The following TMEFF2 variants were observed in gnomAD, a reference collection of about 807,000 sequenced individuals.
TMEFF2 encodes the protein transmembrane protein with EGF like and two follistatin like domains 2.
TMEFF2 carries 28 observed loss-of-function variants against 53.8 expected under a neutral mutation model. That is an observed-to-expected ratio of 0.52 (90% CI 0.39 to 0.71). TMEFF2 has a LOEUF of 0.71. Among genes scored for constraint, TMEFF2 ranks in the 30% least tolerant of loss-of-function variants. The pLI, the probability that TMEFF2 is intolerant of heterozygous loss-of-function variation, is 0.00. For synonymous variants in TMEFF2, 162 were observed against 166.3 expected (o/e 0.97, Z 0.20); for missense variants, 353 against 455.2 (o/e 0.78, Z 2.04).
intron 5 of TMEFF2, among the ~76,000 whole-genome samples, chr2:192,038,988 C>T (rs908443237): frequency 6.6e-6 from 1 of 152,182 alleles, no homozygotes; most frequent in Non-Finnish European, 1.5e-5. Flanking sequence ...CTATGGCCCT[C>T]ATGCACTCTA....
At chr2:192,047,503 T>A (rs1687652780) in intron 5 of TMEFF2, among the ~76,000 whole-genome samples, 1 of 152,162 alleles carries the variant, frequency 6.6e-6, no homozygotes, top group Non-Finnish European at 1.5e-5. Context: ...AAGGCTGCAA[T>A]AAATAAAAGA....
intron 5 of TMEFF2, among the ~76,000 whole-genome samples, chr2:192,017,531 T>C (rs1166240441): frequency 1.3e-5 from 2 of 152,168 alleles, no homozygotes. Context: ...AGATGAACAT[T>C]CTATTCTTTT....
intron 8 of TMEFF2, 34 bp from the exon 9 acceptor site, chr2:191,953,871 G>A: frequency 7.1e-7 from 1 of 1,403,854 alleles, no homozygotes; most frequent in African/African-American, 1.5e-5. Context: ...TTACCTGTAG[G>A]GTGCTGCATT....
At chr2:192,056,455 A>G (rs1165225138) in intron 5 of TMEFF2, among the ~76,000 whole-genome samples, 2 of 152,126 alleles carry the variant, frequency 1.3e-5, no homozygotes, top group African/African-American at 4.8e-5. Flanking sequence ...AGGAATAAAA[A>G]AAGGCTGCTG....
chr2:192,087,355 T>C (rs1306497993), intron 4 of TMEFF2, among the ~76,000 whole-genome samples: 1 of 152,098 alleles, frequency 6.6e-6, no homozygotes, highest in Non-Finnish European at 1.5e-5. Context: ...AAGACAACAT[T>C]CAGCTTAAAA....
At chr2:191,998,396 C>A in intron 6 of TMEFF2, 75 bp from the exon 7 acceptor site, 3 of 1,082,218 alleles carry the variant, frequency 2.8e-6, no homozygotes, top group Non-Finnish European at 4.0e-6. Context: ...TATATTTCCT[C>A]CAACAATATC....
At chr2:191,976,761 G>A (rs186523593) in intron 7 of TMEFF2, among the ~76,000 whole-genome samples, 1 of 152,342 alleles carries the variant, frequency 6.6e-6, no homozygotes, top group East Asian at 1.9e-4. Context: ...CAGACTCCGG[G>A]TGGAAGGTGG....
chr2:192,145,926 GA>G (rs933926846), intron 4 of TMEFF2, among the ~76,000 whole-genome samples: 1 of 151,518 alleles, frequency 6.6e-6, no homozygotes, highest in Non-Finnish European at 1.5e-5. Context: ...GACACAAAAA[GA>G]AAAAAAACTG....
At chr2:191,964,331 T>C (rs567325538) in intron 7 of TMEFF2, among the ~76,000 whole-genome samples, 37 of 108,540 alleles carry the variant, frequency 3.4e-4, no homozygotes, top group African/African-American at 1.7e-3. Flanking sequence ...TTCCTTTCTT[T>C]CCTTCTTTCT....
chr2:192,037,609 A>T (rs537729954), intron 5 of TMEFF2, among the ~76,000 whole-genome samples: 2,805 of 120,702 alleles, frequency 0.023, 40 homozygotes, highest in Admixed American at 0.049. Flanking sequence ...TGCGTGTGTG[A>T]GAGAGAAAGA....
chr2:192,174,327 T>C (rs1412510017), intron 4 of TMEFF2, among the ~76,000 whole-genome samples: 1 of 151,796 alleles, frequency 6.6e-6, no homozygotes, highest in African/African-American at 2.4e-5. Context: ...TAAAAACGTA[T>C]TCATGTGTGA....
chr2:192,164,502 G>A (rs1187143787), intron 4 of TMEFF2, among the ~76,000 whole-genome samples: 1 of 152,134 alleles, frequency 6.6e-6, no homozygotes, highest in Admixed American at 6.6e-5. Context: ...GGCTGAGGCA[G>A]GTGGATCACG....
At position 192,096,670 on chromosome 2, in the gene TMEFF2, C is replaced by CTCT. The variant is rs61068218; in HGVS notation, c.440-38896_440-38895insAGA. 2.3e-3 allele frequency among the ~76,000 whole-genome samples: 121 copies of CTCT among 53,698 alleles called. 3 individuals are homozygous for CTCT. Among genetic ancestry groups the CTCT allele is most frequent in the African/African-American group, 0.015 (114 of 7,424 alleles). The allele number at this position is 53,698 out of a possible 152,430, so 35.2% of individuals were successfully genotyped here. On this transcript the variant is annotated intron_variant, in intron 4 of 9. Transcript: ENST00000272771. ...CTTCCTTCTCTCTCTCTCTCTCTCT[C>CTCT]TTTTTTTTTTTTTTTTTTTTTTTGA...
chr2:192,079,272 T>G (rs1409088464), intron 4 of TMEFF2, among the ~76,000 whole-genome samples: 1 of 152,228 alleles, frequency 6.6e-6, no homozygotes, highest in Admixed American at 6.5e-5. Context: ...CAGATTTACA[T>G]GATGGTCTCA....
chr2:192,069,390 A>G (rs749817391), intron 4 of TMEFF2, among the ~76,000 whole-genome samples: 5 of 151,670 alleles, frequency 3.3e-5, no homozygotes, highest in Non-Finnish European at 5.9e-5. Flanking sequence ...ATTTTAAATC[A>G]TCACACACAA....
intron 2 of TMEFF2, among the ~76,000 whole-genome samples, chr2:192,190,423 T>C (rs1357601919): frequency 6.6e-6 from 1 of 152,206 alleles, no homozygotes; most frequent in Non-Finnish European, 1.5e-5. Context: ...CTGTGCTTTT[T>C]TCCTGTTTAG....
chr2:191,984,623 AAAT>A (rs1685932798), intron 7 of TMEFF2, among the ~76,000 whole-genome samples: 1 of 152,162 alleles, frequency 6.6e-6, no homozygotes, highest in African/African-American at 2.4e-5. Context: ...TTCTAAGGCT[AAAT>A]AATATCATCT....
intron 4 of TMEFF2, among the ~76,000 whole-genome samples, chr2:192,119,650 C>T (rs887130619): frequency 6.6e-6 from 1 of 152,156 alleles, no homozygotes; most frequent in Non-Finnish European, 1.5e-5. Context: ...TCACCTCAGA[C>T]AATACATCCC....
intron 7 of TMEFF2, among the ~76,000 whole-genome samples, chr2:191,964,380 TTCTTTCTTTCTTTCTTTC>T (rs1444000409): frequency 0.059 from 2,313 of 39,116 alleles, 61 homozygotes; most frequent in East Asian, 0.22. Flanking sequence ...TTCTCTTTCT[TTCTTTCTTTCTTTCTTTC>T]TCTTTCTTTC....
Sources: gnomAD v4.1 joint callset for allele counts (sites outside exome capture counted in the v4.1 genomes callset) on GRCh38, gnomAD v4.1.1 for gene constraint, MANE v1.5 for transcripts, NCBI Gene and HGNC (gene_info 2026-07-23, HGNC 2026-07-21) for gene names.